Variants in MIGA1 observed in about 807,000 individuals in gnomAD.
The protein encoded by MIGA1 is mitoguardin 1, also known as family with sequence similarity 73, member A.
MIGA1 carries 58 observed loss-of-function variants against 82.0 expected under a neutral mutation model. That is an observed-to-expected ratio of 0.71 (90% confidence interval 0.57 to 0.88). The LOEUF (loss-of-function observed/expected upper bound fraction) is 0.88. MIGA1 is among the 40% of genes least tolerant of loss of function. The pLI is 0.00. For missense variants in MIGA1, 751 were observed against 749.1 expected (o/e 1.00, Z -0.03); for synonymous variants, 249 against 253.6 (o/e 0.98, Z 0.17).
chr1:77,798,467 A>G (rs1268703954), intron 2 of MIGA1, among the ~76,000 whole-genome samples: 2 of 152,218 alleles, frequency 1.3e-5, no homozygotes, highest in Non-Finnish European at 2.9e-5. Flanking sequence ...CAGACAAGAG[A>G]GAAGTGAGAG....
rs140327554 is a variant in MIGA1 at position 77,844,100 on chromosome 1, T to TAAA, written c.996+705_996+707dup. Among the ~76,000 whole-genome samples, 646 of 68,272 alleles carry TAAA rather than the reference T, an allele frequency of 9.5e-3. 4 individuals are homozygous for TAAA. The East Asian group carries it at 0.11, about 12-fold the overall frequency. 44.8% of individuals were successfully genotyped at this position (68,272 alleles called of 152,430 possible). On this transcript the variant is annotated intron_variant, in intron 8 of 15. Transcript: ENST00000370791. ...TGGGTGACAGAACAAGACCCTGTCT[T>TAAA]AAAAAAAAAAAAAATATATATATAT...
At chr1:77,824,383 G>A (rs963686282) in intron 7 of MIGA1, among the ~76,000 whole-genome samples, 9 of 152,216 alleles carry the variant, frequency 5.9e-5, no homozygotes, top group Non-Finnish European at 8.8e-5. Context: ...ACAACATAGC[G>A]AGATCCCCGT....
In MIGA1 at chr1:77,847,823, G is replaced by A. The variant is rs1684901344; in HGVS notation, c.996+4416G>A. The stretch of plus-strand genomic sequence containing the variant: ...GTTCAAAAAACGGAATACCACAAGA[G>A]AAATGCATTCTTCAAACTGATGTGA... On this transcript the variant is annotated intron_variant, in intron 8 of 15. Coordinates refer to ENST00000370791, the MANE Select transcript of MIGA1 (RefSeq NM_198549.4). 6.8e-6 allele frequency: 11 copies of A among 1,606,178 alleles called. No individual in the cohort carries two copies. In the South Asian group the frequency reaches 1.2e-4, roughly 18 times the overall value.
At chr1:77,783,441 T>C in intron 2 of MIGA1, 90 bp downstream of exon 2, 2 of 695,314 alleles carry the variant, frequency 2.9e-6, no homozygotes, top group Non-Finnish European at 2.4e-6. Flanking sequence ...ATTTGAGGTT[T>C]CTATATAGTA....
Position 77,844,123 on chromosome 1 carries a change from TATATATATATATATAGATAG to T in MIGA1, c.996+720_996+739del, listed in dbSNP as rs1273261235. Among the ~76,000 whole-genome samples, 77 of 107,428 alleles carry T rather than the reference TATATATATATATATAGATAG, an allele frequency of 7.2e-4. 1 individual carries two copies. Among genetic ancestry groups the T allele is most frequent in the African/African-American group, 2.6e-3 (61 of 23,574 alleles). 70.5% of individuals were successfully genotyped at this position (107,428 alleles called of 152,430 possible). On this transcript the variant is annotated intron_variant, in intron 8 of 15. Coordinates refer to ENST00000370791, the MANE Select transcript of MIGA1 (RefSeq NM_198549.4). ...CTTAAAAAAAAAAAAAATATATATATATATATATATATATAGATAGATAGATAGATAGATAGATAGATATA... is the reference window on the plus strand; with the variant it reads ...CTTAAAAAAAAAAAAAATATATATATATAGATAGATAGATAGATAGATATA...
At chr1:77,848,242 A>G in intron 8 of MIGA1, 1 of 1,403,260 alleles carries the variant, frequency 7.1e-7, no homozygotes, top group South Asian at 1.2e-5. Context: ...CGAGGGACCA[A>G]AGAGAAAGAA....
intron 14 of MIGA1, among the ~76,000 whole-genome samples, chr1:77,866,823 G>A (rs561648786): frequency 4.6e-5 from 7 of 151,498 alleles, no homozygotes; most frequent in East Asian, 1.9e-4. Context: ...AGCTGGGACC[G>A]TAGGTGCCAC....
chr1:77,836,196 AAAAG>A (rs1180581032), intron 7 of MIGA1, among the ~76,000 whole-genome samples: 2 of 152,180 alleles, frequency 1.3e-5, no homozygotes, highest in African/African-American at 4.8e-5. Context: ...ACAAAAAGGG[AAAAG>A]AAAGAAAGTA....
intron 2 of MIGA1, among the ~76,000 whole-genome samples, chr1:77,787,039 G>A (rs185064318): frequency 8.9e-4 from 136 of 152,302 alleles, no homozygotes; most frequent in East Asian, 3.3e-3. Flanking sequence ...CAATCATGGC[G>A]GAAGGTGAAA....
chr1:77,830,667 AAG>A (rs1222753492), intron 7 of MIGA1, among the ~76,000 whole-genome samples: 1 of 152,186 alleles, frequency 6.6e-6, no homozygotes, highest in African/African-American at 2.4e-5. Flanking sequence ...CTGTGTCAGA[AAG>A]AGGACCATAA....
rs1343782907 is a variant in MIGA1 at position 77,803,313 on chromosome 1, A to C, written c.417A>C (p.Leu139Phe). Residue 139 changes from leucine (L) to phenylalanine (F), a missense_variant, in exon 4 of 16, where the codon TTA becomes TTC. This residue lies in a region of MIGA1 where 482 missense variants were observed against 439.4 expected (regional missense o/e 1.10). Coordinates refer to ENST00000370791, the MANE Select transcript of MIGA1 (RefSeq NM_198549.4). ...GCAGACAGAATTTGACATTATCTTT[A>C]AGTTCTACCAAAGACAAAGGATCTC... The C allele has an allele frequency of 6.4e-7, 1 of 1,553,982 alleles. No individual in the cohort carries two copies. The highest frequency in any genetic ancestry group is 1.4e-5 in the African/African-American group (1 of 72,478).
At chr1:77,823,246 T>G (rs2101831692) in intron 7 of MIGA1, among the ~76,000 whole-genome samples, 1 of 152,278 alleles carries the variant, frequency 6.6e-6, no homozygotes, top group South Asian at 2.1e-4. Context: ...CCAAAAAACT[T>G]CTGAGTTATC....
intron 5 of MIGA1, among the ~76,000 whole-genome samples, chr1:77,808,190 G>A (rs1327780319): frequency 1.3e-5 from 2 of 148,706 alleles, no homozygotes; most frequent in Admixed American, 6.7e-5. Flanking sequence ...CATTGTGCAG[G>A]TTAGTTACAT....
chr1:77,795,489 A>T (rs761515616), intron 2 of MIGA1, among the ~76,000 whole-genome samples: 1 of 151,752 alleles, frequency 6.6e-6, no homozygotes, highest in Non-Finnish European at 1.5e-5. Flanking sequence ...ACCCACTGCC[A>T]TACCCTGCCA....
chr1:77,852,130 G>C (rs372322373), intron 8 of MIGA1, among the ~76,000 whole-genome samples: 1 of 151,842 alleles, frequency 6.6e-6, no homozygotes, highest in South Asian at 2.1e-4. Context: ...AGTGATCTGC[G>C]CACGTCAACC....
At chr1:77,874,578 A>G (rs1041581583) in intron 15 of MIGA1, among the ~76,000 whole-genome samples, 1 of 152,078 alleles carries the variant, frequency 6.6e-6, no homozygotes, top group Non-Finnish European at 1.5e-5. Context: ...TCATGGTATC[A>G]CATAGGTTAT....
Position 77,803,403 on chromosome 1 carries a change from CT to C in MIGA1, c.508del (p.Ser170LeufsTer34). Reference sequence around the variant, plus strand: ...ATTCAGGTTCTGCACAGAGTTTGGCCTCTGTAAGTACAGAAAAAATATTAAT... The same window carrying C: ...ATTCAGGTTCTGCACAGAGTTTGGCCCTGTAAGTACAGAAAAAATATTAAT... On this transcript the variant is annotated frameshift_variant and splice_region_variant, in exon 4 of 16. Transcript: ENST00000370791. LOFTEE classifies it high-confidence loss of function. 1 of 1,497,114 alleles carries C rather than the reference CT, an allele frequency of 6.7e-7. No individual in the cohort carries two copies. Among genetic ancestry groups the C allele is most frequent in the Non-Finnish European group, 8.9e-7 (1 of 1,121,138 alleles). 92.7% of individuals were successfully genotyped at this position (1,497,114 alleles called of 1,614,324 possible).
chr1:77,784,671 A>T (rs895265170), intron 2 of MIGA1, among the ~76,000 whole-genome samples: 1 of 152,118 alleles, frequency 6.6e-6, no homozygotes, highest in Non-Finnish European at 1.5e-5. Context: ...TATTTCATTG[A>T]TAGTAGCCAT....
intron 1 of MIGA1, among the ~76,000 whole-genome samples, chr1:77,781,341 G>T (rs1057261329): frequency 2.6e-5 from 4 of 152,152 alleles, no homozygotes; most frequent in Non-Finnish European, 5.9e-5. Flanking sequence ...TACTCAATAC[G>T]TTTTTTAAAT....
Sources: gnomAD v4.1 joint callset for allele counts (sites outside exome capture counted in the v4.1 genomes callset) on GRCh38, gnomAD v4.1.1 for gene constraint, gnomAD v4.1.1 regional missense constraint, MANE v1.5 for transcripts, NCBI Gene and HGNC (gene_info 2026-07-23, HGNC 2026-07-21) for gene names.